ACOT7: variants seen among roughly 807,000 people sequenced by gnomAD.
ACOT7 encodes the protein cytosolic acyl coenzyme A thioester hydrolase.
Under a neutral mutation model 40.2 loss-of-function variants are expected in ACOT7, and 12 were observed. The ratio of observed to expected loss-of-function variants is 0.30; its 90% CI spans 0.19 to 0.48. The LOEUF is 0.48. Ranked by LOEUF, ACOT7 falls within the 20% of genes least tolerant of loss-of-function variation. ACOT7 has a pLI of 0.99. For synonymous variants in ACOT7, 228 were observed against 219.5 expected (o/e 1.04, Z -0.34); for missense variants, 395 against 530.8 (o/e 0.74, Z 2.51).
chr1:6,393,520 G>C lies in ACOT7; in HGVS notation c.-121C>G, dbSNP rs973677532. The C allele has an allele frequency of 1.1e-6, 1 of 908,830 alleles. No homozygotes were observed. The highest frequency in any genetic ancestry group is 1.4e-6 in the Non-Finnish European group (1 of 704,482). The allele number at this position is 908,830 out of a possible 1,614,324, so 56.3% of individuals were successfully genotyped here. ...CCGCGCCGGCCCCACCCCGAGCCCC[G>C]CCTCCCAGGCCGCCAAGGCTGCAGA... On this transcript the variant is annotated 5_prime_UTR_variant, in exon 1 of 9. Transcript: ENST00000361521.
chr1:6,313,951 A>T (rs1378361256), intron 6 of ACOT7, among the ~76,000 whole-genome samples: 1 of 152,206 alleles, frequency 6.6e-6, no homozygotes, highest in African/African-American at 2.4e-5. Context: ...CAAAGAGAAA[A>T]ATTGAAGATC....
chr1:6,300,175 AG>A (rs1639927630), intron 6 of ACOT7, among the ~76,000 whole-genome samples: 2 of 152,266 alleles, frequency 1.3e-5, no homozygotes, highest in South Asian at 4.1e-4. Context: ...GCAGCTAGTC[AG>A]GGTCCTCCTA....
intron 6 of ACOT7, among the ~76,000 whole-genome samples, chr1:6,307,637 GGAGGGAAGAGCAACCAGGCA>G (rs1640194354): frequency 1.3e-5 from 2 of 152,062 alleles, no homozygotes; most frequent in South Asian, 4.2e-4. Context: ...AGCAACAGGC[GGAGGGAAGAGCAACCAGGCA>G]GAGGGAACAG....
intron 7 of ACOT7, among the ~76,000 whole-genome samples, chr1:6,286,185 A>G (rs1440885591): frequency 6.6e-6 from 1 of 152,224 alleles, no homozygotes; most frequent in Non-Finnish European, 1.5e-5. Flanking sequence ...CCTGCAGTCA[A>G]GGTGGCTGGG....
At chr1:6,265,246 T>C (rs6577567) in intron 8 of ACOT7, among the ~76,000 whole-genome samples, 101,235 of 146,792 alleles carry the variant, frequency 0.69, 33,950 homozygotes, top group Admixed American at 0.74. Flanking sequence ...ACACGGTCAC[T>C]GCCCCAGAGA....
intron 7 of ACOT7, among the ~76,000 whole-genome samples, chr1:6,286,806 A>G (rs1639516209): frequency 6.6e-6 from 1 of 152,176 alleles, no homozygotes; most frequent in African/African-American, 2.4e-5. Context: ...CTCTGAGGCT[A>G]TACTGATGTC....
intron 1 of ACOT7, among the ~76,000 whole-genome samples, chr1:6,372,858 T>A (rs141161331): frequency 6.6e-6 from 1 of 152,254 alleles, no homozygotes; most frequent in African/African-American, 2.4e-5. Context: ...CCTCCGGCTT[T>A]TGGCTTAAAG....
At chr1:6,309,710 G>C (rs1410796158) in intron 6 of ACOT7, among the ~76,000 whole-genome samples, 1 of 152,134 alleles carries the variant, frequency 6.6e-6, no homozygotes, top group Non-Finnish European at 1.5e-5. Context: ...TAGGCTTAAT[G>C]GGTCTCACTT....
chr1:6,309,146 C>T (rs1255000956), intron 6 of ACOT7, among the ~76,000 whole-genome samples: 1 of 152,242 alleles, frequency 6.6e-6, no homozygotes, highest in Non-Finnish European at 1.5e-5. Context: ...GCAGCAGAGG[C>T]CGAGTCATCC....
At chr1:6,368,477 AC>A (rs1642063609) in intron 1 of ACOT7, among the ~76,000 whole-genome samples, 1 of 151,806 alleles carries the variant, frequency 6.6e-6, no homozygotes, top group African/African-American at 2.4e-5. Flanking sequence ...GTGCAGCATC[AC>A]CCCAGGCCCA....
intron 1 of ACOT7, among the ~76,000 whole-genome samples, chr1:6,371,760 C>T (rs973137142): frequency 1.1e-4 from 16 of 151,948 alleles, no homozygotes; most frequent in Admixed American, 9.2e-4. Context: ...CACTGAAAAC[C>T]TAGGCAGGGC....
At position 6,359,018 on chromosome 1, in the gene ACOT7, C is replaced by T; in HGVS notation, c.144-9152G>A. On this transcript the variant is annotated intron_variant, in intron 1 of 8. Coordinates refer to ENST00000361521, the MANE Select transcript of ACOT7 (RefSeq NM_007274.4). The surrounding 1 kb of genome is among the most constrained non-coding windows in gnomAD (Gnocchi z 4.1). The stretch of plus-strand genomic sequence containing the variant: ...GCCCAATCTGGCCAGGAAGAGGCTG[C>T]CTCGCCAATCCAGAGCGTCTACCAG... 1 of 1,074,918 alleles carries T rather than the reference C, an allele frequency of 9.3e-7. No homozygotes were observed. The highest frequency in any genetic ancestry group is 1.9e-5 in the South Asian group (1 of 51,372). The allele number at this position is 1,074,918 out of a possible 1,614,324, so 66.6% of individuals were successfully genotyped here. A position where few individuals can be genotyped will look rare whatever the true frequency, so the allele number is the denominator to read the frequency against.
At position 6,320,484 on chromosome 1, in the gene ACOT7, A is replaced by C. The variant is rs539287207; in HGVS notation, c.626-1906T>G. ...GGGGTAGATTTCCTCCAAATGTTGG[A>C]GATGCGGGGATTCAGGCCCCTTTGG... On this transcript the variant is annotated intron_variant, in intron 5 of 8. Transcript: ENST00000361521. Among the ~76,000 whole-genome samples, 4 of 152,266 alleles carry C rather than the reference A, an allele frequency of 2.6e-5. No homozygotes were observed. The East Asian group carries it at 7.7e-4, about 29-fold the overall frequency.
chr1:6,280,004 C>T (rs75676875), intron 8 of ACOT7, among the ~76,000 whole-genome samples: 1,741 of 152,324 alleles, frequency 0.011, 30 homozygotes, highest in African/African-American at 0.039. Context: ...CGCTCCTCTC[C>T]GGGAGGCTGA....
At chr1:6,366,803 G>A (rs1282522776) in intron 1 of ACOT7, among the ~76,000 whole-genome samples, 1 of 151,852 alleles carries the variant, frequency 6.6e-6, no homozygotes, top group Non-Finnish European at 1.5e-5. Flanking sequence ...CTACAGGTGT[G>A]CACCACCACA....
intron 2 of ACOT7, among the ~76,000 whole-genome samples, chr1:6,342,376 C>G (rs144983760): frequency 1.3e-5 from 2 of 152,142 alleles, no homozygotes; most frequent in East Asian, 3.9e-4. Context: ...ATGAGAGACA[C>G]GAACACTCAG....
At chr1:6,269,745 G>A (rs1011946016) in intron 8 of ACOT7, among the ~76,000 whole-genome samples, 1 of 152,236 alleles carries the variant, frequency 6.6e-6, no homozygotes, top group Admixed American at 6.5e-5. Flanking sequence ...GGGAGCCTGA[G>A]AGCCTGTGAG....
intron 1 of ACOT7, among the ~76,000 whole-genome samples, chr1:6,376,449 C>A (rs1358769555): frequency 6.6e-6 from 1 of 151,350 alleles, no homozygotes; most frequent in African/African-American, 2.4e-5. Flanking sequence ...GTGGGAGGGG[C>A]CAGGCGCGGT....
chr1:6,306,256 G>T lies in ACOT7; in HGVS notation c.713-11276C>A. 1 of 984,360 alleles carries T rather than the reference G, an allele frequency of 1.0e-6. No homozygotes were observed. The highest frequency in any genetic ancestry group is 1.2e-6 in the Non-Finnish European group (1 of 829,716). The allele number at this position is 984,360 out of a possible 1,614,324, so 61.0% of individuals were successfully genotyped here. A position where few individuals can be genotyped will look rare whatever the true frequency, so the allele number is the denominator to read the frequency against. The stretch of plus-strand genomic sequence containing the variant: ...GGAGAGGACGTTCTTACGGTTCATG[G>T]CAAGACCTCAACCAAATACTCCATA... On this transcript the variant is annotated intron_variant, in intron 6 of 8. Transcript: ENST00000361521. This position sits in a 1 kb window ranked among gnomAD's most constrained non-coding sequence, Gnocchi z 4.3.
Sources: gnomAD v4.1 joint callset for allele counts (sites outside exome capture counted in the v4.1 genomes callset) on GRCh38, gnomAD v4.1.1 for gene constraint, Gnocchi (gnomAD v3.1) non-coding constraint, MANE v1.5 for transcripts, NCBI Gene and HGNC (gene_info 2026-07-23, HGNC 2026-07-21) for gene names.